NBAS: variants seen among roughly 807,000 people sequenced by gnomAD.
The protein encoded by NBAS is NBAS subunit of NRZ tethering complex, also known as NAG/BC035112 fusion.
Under a neutral mutation model 302.5 loss-of-function variants are expected in NBAS, and 219 were observed. That is an observed-to-expected ratio of 0.72 (90% CI 0.65 to 0.81). The LOEUF (loss-of-function observed/expected upper bound fraction) is 0.81, where lower values mean the gene tolerates loss of function less well. Among genes scored for constraint, NBAS ranks in the 30% least tolerant of loss-of-function variants. The pLI is 0.00. For synonymous variants in NBAS, 1,118 were observed against 1,021.6 expected, an observed-to-expected ratio of 1.09 and a Z score of -1.80; for missense variants, 2,932 against 2,841.6, an observed-to-expected ratio of 1.03 and a Z score of -0.72.
At chr2:14,866,976 T>C in the NBAS span, among the ~76,000 whole-genome samples, 1 of 152,196 alleles carries the variant, frequency 6.6e-6, no homozygotes, top group Non-Finnish European at 1.5e-5. Context: ...TAATAATATA[T>C]GCCTGACTTT....
At chr2:15,063,343 C>A in the NBAS span, among the ~76,000 whole-genome samples, 3 of 152,044 alleles carry the variant, frequency 2.0e-5, no homozygotes, top group African/African-American at 7.2e-5. Flanking sequence ...CAGGAGCCTT[C>A]CTTAAGCTCT....
the NBAS span, among the ~76,000 whole-genome samples, chr2:15,080,077 A>G: frequency 6.6e-6 from 1 of 152,142 alleles, no homozygotes; most frequent in Non-Finnish European, 1.5e-5. Flanking sequence ...CCCCACCCTC[A>G]TCCCATGAGC....
chr2:15,251,421 C>T (rs919661254), intron 44 of NBAS, among the ~76,000 whole-genome samples: 9 of 152,040 alleles, frequency 5.9e-5, no homozygotes, highest in South Asian at 4.2e-4. Context: ...CAAACCTGCA[C>T]GTTCTGCACG....
intron 6 of NBAS, among the ~76,000 whole-genome samples, chr2:15,540,356 C>T (rs1010980868): frequency 1.3e-5 from 2 of 151,994 alleles, no homozygotes; most frequent in Non-Finnish European, 2.9e-5. Context: ...AAACGTATGG[C>T]CTTCTTTTGA....
At chr2:15,386,047 T>C (rs367959255) in intron 28 of NBAS, among the ~76,000 whole-genome samples, 3 of 152,224 alleles carry the variant, frequency 2.0e-5, no homozygotes, top group South Asian at 2.1e-4. Context: ...TAGTCAAAGC[T>C]ATCTAAATTA....
At chr2:14,965,060 T>C in the NBAS span, among the ~76,000 whole-genome samples, 4 of 152,004 alleles carry the variant, frequency 2.6e-5, no homozygotes, top group African/African-American at 9.7e-5. Context: ...TTTATAATAC[T>C]AGATACCTGC....
At chr2:15,130,579 T>G in the NBAS span, among the ~76,000 whole-genome samples, 2 of 152,238 alleles carry the variant, frequency 1.3e-5, no homozygotes, top group Admixed American at 1.3e-4. Flanking sequence ...CAGGAGAATA[T>G]GAGCGTTAGA....
chr2:15,493,854 A>T (rs1350468036), intron 11 of NBAS, among the ~76,000 whole-genome samples: 1 of 141,682 alleles, frequency 7.1e-6, no homozygotes, highest in East Asian at 2.0e-4. Context: ...TTTTGGAGAC[A>T]GAGTCACTGT....
At chr2:15,176,278 T>G (rs1264799857) in intron 51 of NBAS, among the ~76,000 whole-genome samples, 3 of 152,234 alleles carry the variant, frequency 2.0e-5, no homozygotes, top group Non-Finnish European at 2.9e-5. Context: ...ATTTTATTTA[T>G]GTAGCATTTT....
chr2:15,057,314 G>GAAAAAAAAA, the NBAS span, among the ~76,000 whole-genome samples: 233 of 135,840 alleles, frequency 1.7e-3, no homozygotes, highest in African/African-American at 6.5e-3. Flanking sequence ...ACAGAAATTT[G>GAAAAAAAAA]AAAAAAAAAA....
the NBAS span, among the ~76,000 whole-genome samples, chr2:15,067,592 C>G: frequency 5.9e-4 from 90 of 152,004 alleles, no homozygotes; most frequent in Middle Eastern, 3.2e-3. Flanking sequence ...AGGACAAGCA[C>G]TGCATGATTC....
chr2:15,442,278 A>C (rs912848352), intron 21 of NBAS, among the ~76,000 whole-genome samples: 9 of 145,816 alleles, frequency 6.2e-5, no homozygotes, highest in Admixed American at 1.4e-4. Flanking sequence ...CAAATGTAAA[A>C]GAGCAGAAAT....
intron 21 of NBAS, 104 bp downstream of exon 21, chr2:15,461,097 T>G (rs1679485199): frequency 9.3e-7 from 1 of 1,076,200 alleles, no homozygotes; most frequent in Non-Finnish European, 1.3e-6. Flanking sequence ...AAAGTTTAAA[T>G]ATATTACATT....
At position 15,538,260 on chromosome 2, in the gene NBAS, T is replaced by C. The variant is rs1024861379; in HGVS notation, c.513+963A>G. ...ATTTGAGCACACATACAGCTCATAT[T>C]GTATTTCTTTTAGCCAGAAATAGTC... On this transcript the variant is annotated intron_variant, in intron 7 of 51. Coordinates refer to ENST00000281513, the MANE Select transcript of NBAS (RefSeq NM_015909.4). The C allele has an allele frequency of 1.5e-4, 53 of 352,642 alleles. 1 individual carries two copies. Among genetic ancestry groups the C allele is most frequent in the South Asian group, 1.0e-3 (44 of 42,106 alleles). The allele number at this position is 352,642 out of a possible 1,614,324, so 21.8% of individuals were successfully genotyped here.
At chr2:14,820,965 T>C in the NBAS span, among the ~76,000 whole-genome samples, 4 of 151,968 alleles carry the variant, frequency 2.6e-5, no homozygotes, top group African/African-American at 9.7e-5. Context: ...AGTCTTGCTC[T>C]GTCGCCCAGG....
chr2:14,962,571 G>A, the NBAS span, among the ~76,000 whole-genome samples: 2,483 of 152,110 alleles, frequency 0.016, 38 homozygotes, highest in Non-Finnish European at 0.024. Flanking sequence ...TTTCACAGTT[G>A]TTGTTATCAC....
At chr2:15,063,803 C>A in the NBAS span, among the ~76,000 whole-genome samples, 21 of 152,142 alleles carry the variant, frequency 1.4e-4, no homozygotes, top group Admixed American at 7.2e-4. Context: ...TCAGGAGAAA[C>A]CACATGACCA....
intron 28 of NBAS, 111 bp downstream of exon 28, chr2:15,394,116 A>G: frequency 3.5e-6 from 4 of 1,144,000 alleles, no homozygotes; most frequent in Non-Finnish European, 4.9e-6. Flanking sequence ...CACTTTAAAT[A>G]TGTGCAGTTT....
chr2:15,166,474 T>A (rs1664024054), downstream of NBAS, among the ~76,000 whole-genome samples: 1 of 152,202 alleles, frequency 6.6e-6, no homozygotes. Context: ...AGAGTTAATA[T>A]TTCTTCAGCT....
Sources: gnomAD v4.1 joint callset for allele counts (sites outside exome capture counted in the v4.1 genomes callset) on GRCh38, gnomAD v4.1.1 for gene constraint, MANE v1.5 for transcripts, NCBI Gene and HGNC (gene_info 2026-07-23, HGNC 2026-07-21) for gene names.